Variants in MGST1 observed in about 807,000 individuals in gnomAD.
MGST1 encodes glutathione S-transferase 12.
Under a neutral mutation model 8.9 loss-of-function variants are expected in MGST1, and 5 were observed. The observed-to-expected ratio is 0.56, with a 90% CI of 0.29 to 1.19. MGST1 has a LOEUF of 1.19. MGST1 is among the 50% of genes most tolerant of loss of function. The probability of loss-of-function intolerance (pLI) is 0.08; values close to 1 mark genes in which losing one functional copy is unlikely to be tolerated. For synonymous variants in MGST1, 54 were observed against 67.8 expected, an observed-to-expected ratio of 0.80 and a Z score of 1.00; for missense variants, 182 against 187.4, an observed-to-expected ratio of 0.97 and a Z score of 0.17.
At chr12:16,412,219 C>T (rs969990872) in intron 1 of MGST1, among the ~76,000 whole-genome samples, 4 of 152,104 alleles carry the variant, frequency 2.6e-5, no homozygotes, top group Non-Finnish European at 5.9e-5. Flanking sequence ...TAAATGTGAC[C>T]ATGAGTACAA....
rs565049422 is a variant in MGST1 at position 16,540,569 on chromosome 12, G to A, written n.483-48959G>A. 2.0e-5 allele frequency among the ~76,000 whole-genome samples: 3 copies of A among 152,366 alleles called. No homozygotes were observed. In the South Asian group the frequency reaches 6.2e-4, roughly 32 times the overall value. On this transcript the variant is annotated intron_variant and non_coding_transcript_variant, in intron 4 of 4. Coordinates refer to the MGST1 transcript ENST00000538857. The stretch of plus-strand genomic sequence containing the variant: ...ATTATCTTCTCTATAGACAGAGGAA[G>A]CTATAGCACTTGGCATCTGGACAGA...
At chr12:16,472,595 C>G (rs1941295935) in intron 4 of MGST1, among the ~76,000 whole-genome samples, 1 of 152,110 alleles carries the variant, frequency 6.6e-6, no homozygotes, top group African/African-American at 2.4e-5. Flanking sequence ...AATATGTTGT[C>G]TGCTGACTTA....
rs893394458 is a variant in MGST1, at chr12:16,513,924, C to T, written n.483-75604C>T. On this transcript the variant is annotated intron_variant and non_coding_transcript_variant, in intron 4 of 4. Transcript: ENST00000538857. This position sits in a 1 kb window ranked among gnomAD's most constrained non-coding sequence, Gnocchi z 4.2. ...GCATGCAGCTACAAGGTTATCGATA[C>T]TATGACCGCAAGACTTGCGGTTTTG... is the stretch of plus-strand genomic sequence containing the variant. 1 of 567,926 alleles carries T rather than the reference C, an allele frequency of 1.8e-6. No individual in the cohort carries two copies. Among genetic ancestry groups the T allele is most frequent in the Non-Finnish European group, 3.4e-6 (1 of 294,538 alleles). 35.2% of individuals were successfully genotyped at this position (567,926 alleles called of 1,614,324 possible).
intron 1 of MGST1, among the ~76,000 whole-genome samples, chr12:16,426,180 T>G (rs1005358177): frequency 5.3e-5 from 8 of 152,200 alleles, no homozygotes; most frequent in Non-Finnish European, 8.8e-5. Flanking sequence ...ACTATGTGTT[T>G]GCTTTACAAT....
rs11056964 is a variant in MGST1, at chr12:16,507,873, G to A, written n.483-81655G>A. Among the ~76,000 whole-genome samples, 1,428 of 152,180 alleles carry A rather than the reference G, an allele frequency of 9.4e-3. 72 individuals are homozygous for A. In the East Asian group the frequency reaches 0.17, roughly 18 times the overall value. ...CCAATTCAACACGAGATTTGGGTGGGGACACAGAGCCAAACCATATCAAGG... is the reference window on the plus strand; with the variant it reads ...CCAATTCAACACGAGATTTGGGTGGAGACACAGAGCCAAACCATATCAAGG... On this transcript the variant is annotated intron_variant and non_coding_transcript_variant, in intron 4 of 4. Transcript: ENST00000538857.
In MGST1 at chr12:16,389,525, A is replaced by G. The variant is rs1262055769; in HGVS notation, n.778+5921A>G. ...CAAACTCTTGAAATTTCAATTTAAAATATTGGGTTTTCCCTGCCCTTCTTA... is the reference window on the plus strand; with the variant it reads ...CAAACTCTTGAAATTTCAATTTAAAGTATTGGGTTTTCCCTGCCCTTCTTA... On this transcript the variant is annotated intron_variant and non_coding_transcript_variant, in intron 1 of 1. Coordinates refer to the MGST1 transcript ENST00000359720. This position sits in a 1 kb window ranked among gnomAD's most constrained non-coding sequence, Gnocchi z 4.6. Among the ~76,000 whole-genome samples, 1 of 152,178 alleles carries G rather than the reference A, an allele frequency of 6.6e-6. No homozygotes were observed. The highest frequency in any genetic ancestry group is 1.5e-5 in the Non-Finnish European group (1 of 68,040).
chr12:16,525,371 C>T (rs946136791), intron 4 of MGST1, among the ~76,000 whole-genome samples: 1 of 149,340 alleles, frequency 6.7e-6, no homozygotes. Flanking sequence ...TCAATTCCCA[C>T]CTATGAGTGA....
rs80062946 is a variant in MGST1, at chr12:16,561,536, C to A, written n.483-27992C>A. ...AAAAGCAGTTCTAAACTAATGAATT[C>A]AAAGGTGCTATAGAGAAAACTCATT... is the stretch of plus-strand genomic sequence containing the variant. On this transcript the variant is annotated intron_variant and non_coding_transcript_variant, in intron 4 of 4. Transcript: ENST00000538857. 3.8e-3 allele frequency among the ~76,000 whole-genome samples: 584 copies of A among 152,178 alleles called. 5 individuals carry two copies. In the East Asian group the frequency reaches 0.04, roughly 11 times the overall value.
intron 3 of MGST1, among the ~76,000 whole-genome samples, chr12:16,360,857 C>T (rs1215428191): frequency 1.3e-5 from 2 of 152,106 alleles, no homozygotes; most frequent in African/African-American, 2.4e-5. Context: ...TCCCTCGTGG[C>T]CCCAGTGTAT....
intron 4 of MGST1, among the ~76,000 whole-genome samples, chr12:16,489,394 C>T (rs529255349): frequency 6.6e-6 from 1 of 152,120 alleles, no homozygotes; most frequent in Non-Finnish European, 1.5e-5. Flanking sequence ...CCTTCATACT[C>T]TCAGAGGGAG....
At chr12:16,349,906 A>G (rs926069786) in intron 1 of MGST1, among the ~76,000 whole-genome samples, 1 of 151,960 alleles carries the variant, frequency 6.6e-6, no homozygotes, top group East Asian at 1.9e-4. Flanking sequence ...CACCACGCCC[A>G]GCTAATTTTT....
chr12:16,464,193 A>C (rs1342007226), intron 4 of MGST1, among the ~76,000 whole-genome samples: 1 of 152,266 alleles, frequency 6.6e-6, no homozygotes, highest in Non-Finnish European at 1.5e-5. Context: ...TGAATGGTCA[A>C]CCGCAGTTAC....
chr12:16,429,151 G>C (rs1363998765), intron 1 of MGST1, among the ~76,000 whole-genome samples: 2 of 151,940 alleles, frequency 1.3e-5, no homozygotes, highest in Non-Finnish European at 2.9e-5. Context: ...TTTTCTTCAA[G>C]GATAATTTCA....
At position 16,424,327 on chromosome 12, in the gene MGST1, A is replaced by G. The variant is rs901323728; in HGVS notation, n.779-13061A>G. Among the ~76,000 whole-genome samples the G allele has an allele frequency of 2.6e-5, 4 of 152,210 alleles. No homozygotes were observed. The South Asian group carries it at 6.2e-4, about 24-fold the overall frequency. ...CCTGAAAGAACTTTGGAAGAAACAG[A>G]CAATATTTTCAATTCAAAAATATAT... On this transcript the variant is annotated intron_variant and non_coding_transcript_variant, in intron 1 of 1. Transcript: ENST00000359720.
chr12:16,540,803 C>T (rs1322189915), intron 4 of MGST1, among the ~76,000 whole-genome samples: 1 of 152,120 alleles, frequency 6.6e-6, no homozygotes, highest in Non-Finnish European at 1.5e-5. Context: ...TGCTGGCATG[C>T]ACCTGTAACC....
rs202215827 is a variant in MGST1 at position 16,568,151 on chromosome 12, A to T, written n.483-21377A>T. On this transcript the variant is annotated intron_variant and non_coding_transcript_variant, in intron 4 of 4. Coordinates refer to the MGST1 transcript ENST00000538857. ...TGTCATCGGTTTCTCTGGGTATTGTATGTTAATGGAAACCTGATTTCCCAT... is the reference window on the plus strand; with the variant it reads ...TGTCATCGGTTTCTCTGGGTATTGTTTGTTAATGGAAACCTGATTTCCCAT... Among the ~76,000 whole-genome samples, 4 of 152,314 alleles carry T rather than the reference A, an allele frequency of 2.6e-5. No individual in the cohort carries two copies. In the East Asian group the frequency reaches 5.8e-4, roughly 22 times the overall value.
chr12:16,566,527 T>A (rs886451941), intron 4 of MGST1, among the ~76,000 whole-genome samples: 7 of 152,046 alleles, frequency 4.6e-5, no homozygotes, highest in African/African-American at 1.4e-4. Context: ...CCTAGAAATA[T>A]GTACCATTAT....
chr12:16,394,517 T>C (rs1410753920), intron 1 of MGST1, among the ~76,000 whole-genome samples: 2 of 2,730 alleles, frequency 7.3e-4, no homozygotes, highest in African/African-American at 1.2e-3. Context: ...TCTCTCCCTT[T>C]CTTTCTTTCT....
chr12:16,557,610 A>G (rs959657086), intron 4 of MGST1, among the ~76,000 whole-genome samples: 2 of 152,116 alleles, frequency 1.3e-5, no homozygotes, highest in Non-Finnish European at 2.9e-5. Context: ...ACATTTAGCA[A>G]GAAACTCTAT....
Sources: gnomAD v4.1 joint callset for allele counts (sites outside exome capture counted in the v4.1 genomes callset) on GRCh38, gnomAD v4.1.1 for gene constraint, Gnocchi (gnomAD v3.1) non-coding constraint, MANE v1.5 for transcripts, NCBI Gene and HGNC (gene_info 2026-07-23, HGNC 2026-07-21) for gene names.